ALDH1L2: variants seen among roughly 807,000 people sequenced by gnomAD.
ALDH1L2 encodes mitochondrial 10-formyltetrahydrofolate dehydrogenase.
A neutral mutation model predicts 111.0 loss-of-function variants in ALDH1L2; 91 were observed. The observed-to-expected ratio is 0.82, with a 90% CI of 0.69 to 0.98. ALDH1L2 has a LOEUF of 0.98. ALDH1L2 is among the 50% of genes least tolerant of loss of function. ALDH1L2 has a pLI of 0.00. For missense variants in ALDH1L2, 995 were observed against 1,126.8 expected (o/e 0.88, Z 1.67); for synonymous variants, 374 against 392.6 (o/e 0.95, Z 0.56).
chr12:105,051,986 T>C, intron 12 of ALDH1L2, 104 bp downstream of exon 12: 1 of 1,093,180 alleles, frequency 9.1e-7, no homozygotes, highest in South Asian at 1.9e-5. Flanking sequence ...GGCAGGTGAA[T>C]CACCTGAGGT....
At chr12:105,038,696 A>G (rs1216147747) in intron 17 of ALDH1L2, among the ~76,000 whole-genome samples, 2 of 151,962 alleles carry the variant, frequency 1.3e-5, no homozygotes, top group Non-Finnish European at 2.9e-5. Flanking sequence ...AAAAAGGAAA[A>G]AGTTATTCAT....
chr12:105,063,561 C>G (rs546732551), intron 6 of ALDH1L2, among the ~76,000 whole-genome samples: 22 of 151,992 alleles, frequency 1.4e-4, no homozygotes, highest in Non-Finnish European at 2.6e-4. Context: ...CCAAAATGCC[C>G]CACATCCAGG....
chr12:105,028,505 A>G (rs865970279), intron 21 of ALDH1L2, among the ~76,000 whole-genome samples: 5 of 152,248 alleles, frequency 3.3e-5, no homozygotes, highest in Non-Finnish European at 5.9e-5. Context: ...TTGAGACAGT[A>G]CAGGTTTCAG....
chr12:105,030,350 A>T lies in ALDH1L2; in HGVS notation c.2490T>A (p.Ile830=), dbSNP rs79945575. Residue 830 remains isoleucine (I), a synonymous_variant, in exon 21 of 23, where the codon ATT becomes ATA. Coordinates refer to ENST00000258494, the MANE Select transcript of ALDH1L2 (RefSeq NM_001034173.4). Reference sequence around the variant, plus strand: ...CATTTTGGAATTTAGAAATGACCATAATAGGCCCAAAGGATTCCTCTTTGG... The same window carrying T: ...CATTTTGGAATTTAGAAATGACCATTATAGGCCCAAAGGATTCCTCTTTGG... ...YLAKEESFGP[I]MVISKFQNGD... 2.7e-5 allele frequency: 44 copies of T among 1,612,878 alleles called. No homozygotes were observed. The highest frequency in any genetic ancestry group is 2.2e-4 in the Admixed American group (13 of 59,916).
At chr12:105,057,691 C>T (rs1182335822) in intron 10 of ALDH1L2, among the ~76,000 whole-genome samples, 1 of 152,120 alleles carries the variant, frequency 6.6e-6, no homozygotes, top group Non-Finnish European at 1.5e-5. Flanking sequence ...TATGAAATCT[C>T]TAAAATAGGC....
At chr12:105,040,042 C>T (rs185729393) in intron 16 of ALDH1L2, among the ~76,000 whole-genome samples, 1 of 143,034 alleles carries the variant, frequency 7.0e-6, no homozygotes, top group African/African-American at 2.6e-5. Context: ...GAGAGAATCA[C>T]TTGAACCCAG....
chr12:105,060,873 A>G (rs1876953942), intron 9 of ALDH1L2, 108 bp downstream of exon 9: 3 of 780,978 alleles, frequency 3.8e-6, no homozygotes, highest in African/African-American at 1.7e-5. Context: ...AGGTATGATA[A>G]GGTAATCACA....
rs1465398122 is a variant in ALDH1L2, at chr12:105,046,754, C to G, written c.1819G>C (p.Ala607Pro). 6.2e-7 allele frequency: 1 copy of G among 1,614,140 alleles called. No homozygotes were observed. The highest frequency in any genetic ancestry group is 1.1e-5 in the South Asian group (1 of 91,074). ...AAGGTATTGCCTGCTGCCAAACACG[C>G]AGCACTCTTCCATGCCAGCATCATC... ...PLMMLAWKSA[A>P]CLAAGNTLVL... The change falls in exon 15 of 23, where the codon GCG becomes CCG. Residue 607 changes from alanine to proline, a missense_variant. By Grantham distance (27) the Ala-to-Pro change is conservative (BLOSUM62 -1). Coordinates refer to ENST00000258494, the MANE Select transcript of ALDH1L2 (RefSeq NM_001034173.4).
intron 16 of ALDH1L2, 48 bp downstream of exon 16, chr12:105,040,559 C>G: frequency 6.4e-7 from 1 of 1,557,818 alleles, no homozygotes; most frequent in Non-Finnish European, 8.9e-7. Flanking sequence ...CTCAGCTACC[C>G]CAGTACCATT....
Position 105,021,754 on chromosome 12 carries a change from ATTAT to A in ALDH1L2, c.*2666_*2669del, listed in dbSNP as rs1874175435. On this transcript the variant is annotated 3_prime_UTR_variant, in exon 23 of 23. Transcript: ENST00000258494. The stretch of plus-strand genomic sequence containing the variant: ...TAAATGGTAGCTGTCATATCGTATT[ATTAT>A]TGACAGAAGGCCCATACTGGAGTTG... 6.6e-6 allele frequency: 1 copy of A among 152,216 alleles called. No homozygotes were observed. The allele number at this position is 152,216 out of a possible 1,614,324, so 9.4% of individuals were successfully genotyped here. A position where few individuals can be genotyped will look rare whatever the true frequency, so the allele number is the denominator to read the frequency against.
intron 17 of ALDH1L2, 42 bp downstream of exon 17, chr12:105,039,671 T>G: frequency 6.4e-7 from 1 of 1,568,060 alleles, no homozygotes; most frequent in South Asian, 1.1e-5. Flanking sequence ...TGAAACCTAG[T>G]TTAACAGGAT....
intron 1 of ALDH1L2, among the ~76,000 whole-genome samples, chr12:105,078,474 A>G (rs2374450): frequency 0.68 from 103,174 of 151,980 alleles, 35,055 homozygotes; most frequent in Middle Eastern, 0.78. Flanking sequence ...ACAAAAATCA[A>G]AAAAACTCAG....
At chr12:105,026,216 G>A (rs757505315) in intron 22 of ALDH1L2, among the ~76,000 whole-genome samples, 15 of 152,134 alleles carry the variant, frequency 9.9e-5, no homozygotes, top group Middle Eastern at 3.4e-3. Context: ...ATTTAGTCTC[G>A]TGACAGCTAA....
At chr12:105,045,896 C>T (rs967523813) in intron 15 of ALDH1L2, among the ~76,000 whole-genome samples, 4 of 151,962 alleles carry the variant, frequency 2.6e-5, no homozygotes, top group Non-Finnish European at 4.4e-5. Flanking sequence ...AGTAAAGTTA[C>T]CTGCAGATAA....
chr12:105,044,291 A>C (rs1258484300), intron 15 of ALDH1L2, among the ~76,000 whole-genome samples: 2 of 151,990 alleles, frequency 1.3e-5, no homozygotes, highest in Non-Finnish European at 2.9e-5. Context: ...AGTGATTAGC[A>C]CTCATTGGAT....
In ALDH1L2 at chr12:105,036,376, C is replaced by T. The variant is rs1463950034; in HGVS notation, c.2145+1727G>A. 9.3e-5 allele frequency among the ~76,000 whole-genome samples: 7 copies of T among 75,456 alleles called. 1 individual carries two copies. The highest frequency in any genetic ancestry group is 3.1e-4 in the African/African-American group (5 of 16,264). 49.5% of individuals were successfully genotyped at this position (75,456 alleles called of 152,430 possible). On this transcript the variant is annotated intron_variant, in intron 18 of 22. Transcript: ENST00000258494. ...TATGTGTATATATATTATATATATA[C>T]GTATATTTATATATGTGTATATATA...
chr12:105,069,142 A>G (rs1877540017), intron 3 of ALDH1L2, among the ~76,000 whole-genome samples: 1 of 152,178 alleles, frequency 6.6e-6, no homozygotes, highest in African/African-American at 2.4e-5. Flanking sequence ...GAATTTAAAA[A>G]GGCATTAGAG....
intron 9 of ALDH1L2, among the ~76,000 whole-genome samples, chr12:105,058,974 A>G (rs1876810832): frequency 6.6e-6 from 1 of 152,038 alleles, no homozygotes; most frequent in South Asian, 2.1e-4. Context: ...AAAAGTATTA[A>G]TAATACAGTA....
chr12:105,072,172 G>T (rs2136107522), intron 2 of ALDH1L2, among the ~76,000 whole-genome samples: 1 of 146,916 alleles, frequency 6.8e-6, no homozygotes, highest in Admixed American at 6.8e-5. Flanking sequence ...TAGAAATTAT[G>T]ATATCTATTA....
Sources: gnomAD v4.1 joint callset for allele counts (sites outside exome capture counted in the v4.1 genomes callset) on GRCh38, gnomAD v4.1.1 for gene constraint, MANE v1.5 for transcripts, NCBI Gene and HGNC (gene_info 2026-07-23, HGNC 2026-07-21) for gene names.